The following PCDHGB3 variants were observed in gnomAD, a reference collection of about 807,000 sequenced individuals.
The protein encoded by PCDHGB3 is protocadherin gamma subfamily B, 3.
Under a neutral mutation model 59.2 loss-of-function variants are expected in PCDHGB3, and 40 were observed. The ratio of observed to expected loss-of-function variants is 0.68; its 90% CI spans 0.52 to 0.88. PCDHGB3 has a LOEUF of 0.88. PCDHGB3 is among the 40% of genes least tolerant of loss of function. PCDHGB3 has a pLI of 0.00. For missense variants in PCDHGB3, 1,309 were observed against 1,187.9 expected (o/e 1.10, Z -1.50); for synonymous variants, 581 against 503.6 (o/e 1.15, Z -2.06).
At chr5:141,408,286 C>G (rs751845459) in intron 1 of PCDHGB3, 81 of 1,613,074 alleles carry the variant, frequency 5.0e-5, no homozygotes, top group Non-Finnish European at 6.3e-5. Context: ...TCTACCCCAC[C>G]CTGAGTGAGC....
chr5:141,400,736 G>A, intron 1 of PCDHGB3: 1 of 630,462 alleles, frequency 1.6e-6, no homozygotes, highest in Non-Finnish European at 2.7e-6. Context: ...AGTAGTGAGA[G>A]TTTGCTCTTA....
chr5:141,454,874 C>A (rs1002727777), intron 1 of PCDHGB3, among the ~76,000 whole-genome samples: 4 of 123,066 alleles, frequency 3.3e-5, no homozygotes, highest in African/African-American at 1.2e-4. Flanking sequence ...GTGGCACGAT[C>A]TTGGCTCACT....
At chr5:141,402,971 T>C in intron 1 of PCDHGB3, 2 of 1,608,370 alleles carry the variant, frequency 1.2e-6, no homozygotes. Flanking sequence ...TCCAACCAAA[T>C]GCCAGCTCCG....
Position 141,477,203 on chromosome 5 carries a change from G to A in PCDHGB3, c.2416-17604G>A. The A allele has an allele frequency of 6.2e-7, 1 of 1,614,176 alleles. No individual in the cohort carries two copies. The highest frequency in any genetic ancestry group is 8.5e-7 in the Non-Finnish European group (1 of 1,180,050). ...CACCTCCGTGTACAGCCCAGTACCC[G>A]AGGATGCCCCTCTGGGGACTGTCAT... On this transcript the variant is annotated intron_variant, in intron 1 of 3. Coordinates refer to ENST00000576222, the MANE Select transcript of PCDHGB3 (RefSeq NM_018924.5). This position sits in a 1 kb window ranked among gnomAD's most constrained non-coding sequence, Gnocchi z 4.9.
intron 1 of PCDHGB3, chr5:141,400,051 G>A (rs1253013919): frequency 6.2e-7 from 1 of 1,613,762 alleles, no homozygotes; most frequent in East Asian, 2.2e-5. Flanking sequence ...GCTGGTTGCT[G>A]TGCGTGATGG....
chr5:141,371,529 A>G lies in PCDHGB3; in HGVS notation c.1135A>G (p.Asn379Asp), dbSNP rs200031435. The G allele has an allele frequency of 3.3e-4, 527 of 1,613,610 alleles. No homozygotes were observed. The highest frequency in any genetic ancestry group is 8.3e-4 in the Admixed American group (50 of 59,952). The change falls in exon 1 of 4, where the codon AAT (asparagine) becomes GAT (aspartate). Residue 379 changes from asparagine to aspartate, a missense_variant. Physicochemically the swap from Asn to Asp is conservative, Grantham distance 23. Transcript: ENST00000576222. ...AACACATGATCTAGATTCTGGATTTAATGGAGAAATCCTATGCCAACTAAA... is the reference window on the plus strand; with the variant it reads ...AACACATGATCTAGATTCTGGATTTGATGGAGAAATCCTATGCCAACTAAA... ...IKTHDLDSGF[N>D]GEILCQLKGN...
chr5:141,480,402 G>A (rs1268532373), intron 1 of PCDHGB3, among the ~76,000 whole-genome samples: 2 of 145,838 alleles, frequency 1.4e-5, no homozygotes, highest in African/African-American at 2.6e-5. Flanking sequence ...GCAATAGAGT[G>A]AGACCCTGTC....
intron 1 of PCDHGB3, chr5:141,392,912 C>T: frequency 6.2e-7 from 1 of 1,613,908 alleles, no homozygotes; most frequent in South Asian, 1.1e-5. Context: ...AGATTCGCTA[C>T]TCTGTGCCAG....
In PCDHGB3 at chr5:141,370,531, T is replaced by C. The variant is rs373245420; in HGVS notation, c.137T>C (p.Leu46Pro). 8 of 1,613,822 alleles carry C rather than the reference T, an allele frequency of 5.0e-6. No homozygotes were observed. The highest frequency in any genetic ancestry group is 1.6e-4 in the Middle Eastern group (1 of 6,084). Reference protein sequence around the residue: ...AIPEELDRGSLVGNLAKDLGF... With the variant: ...AIPEELDRGSPVGNLAKDLGF... ...CCCGAGGAGCTGGACAGGGGCTCGC[T>C]GGTAGGGAACCTCGCCAAGGACCTG... Residue 46 changes from leucine (L) to proline (P), a missense_variant, in exon 1 of 4, where the codon CTG (leucine) becomes CCG (proline). Transcript: ENST00000576222.
At chr5:141,393,124 T>C in intron 1 of PCDHGB3, 2 of 1,613,430 alleles carry the variant, frequency 1.2e-6, no homozygotes. Flanking sequence ...CGGTGTCTGA[T>C]AAATATTAAC....
chr5:141,489,713 A>G lies in PCDHGB3; in HGVS notation c.2416-5094A>G. On this transcript the variant is annotated intron_variant, in intron 1 of 3. Coordinates refer to ENST00000576222, the MANE Select transcript of PCDHGB3 (RefSeq NM_018924.5). The surrounding 1 kb of genome is among the most constrained non-coding windows in gnomAD (Gnocchi z 4.5). The stretch of plus-strand genomic sequence containing the variant: ...GCACGATTCCCACTGGACAGTGCCC[A>G]GGATCCGGATGTGGGCACCAATACT... 1.9e-6 allele frequency: 3 copies of G among 1,614,162 alleles called. No individual in the cohort carries two copies. The highest frequency in any genetic ancestry group is 2.5e-6 in the Non-Finnish European group (3 of 1,179,968).
chr5:141,413,217 C>A (rs762828191), intron 1 of PCDHGB3: 8 of 1,613,184 alleles, frequency 5.0e-6, no homozygotes, highest in African/African-American at 1.3e-5. Context: ...CAAAGGATTG[C>A]AGCGGGCTGG....
At chr5:141,415,132 C>T (rs752622569) in intron 1 of PCDHGB3, 4 of 1,613,696 alleles carry the variant, frequency 2.5e-6, no homozygotes, top group Non-Finnish European at 3.4e-6. Flanking sequence ...CGTCCAGGAC[C>T]ACGGCCAGCC....
chr5:141,385,563 C>T, intron 1 of PCDHGB3: 1 of 1,304,972 alleles, frequency 7.7e-7, no homozygotes, highest in Non-Finnish European at 9.7e-7. Flanking sequence ...TTATAATTTC[C>T]ACCTACTTTC....
At chr5:141,390,560 T>C (rs531396970) in intron 1 of PCDHGB3, 1 of 443,156 alleles carries the variant, frequency 2.3e-6, no homozygotes, top group East Asian at 4.1e-5. Context: ...GTTAGACAGT[T>C]GTTGGCTCTC....
At chr5:141,421,119 C>T (rs542039688) in intron 1 of PCDHGB3, 1 of 772,768 alleles carries the variant, frequency 1.3e-6, no homozygotes, top group Non-Finnish European at 2.0e-6. Flanking sequence ...TATTTTCCTT[C>T]GCTTTCTGAT....
At chr5:141,420,483 T>C in intron 1 of PCDHGB3, 2 of 581,364 alleles carry the variant, frequency 3.4e-6, no homozygotes, top group Non-Finnish European at 5.2e-6. Context: ...GCAAACTACA[T>C]GGGTAATCTC....
At chr5:141,464,685 C>A (rs1283627323) in intron 1 of PCDHGB3, among the ~76,000 whole-genome samples, 1 of 152,006 alleles carries the variant, frequency 6.6e-6, no homozygotes, top group Non-Finnish European at 1.5e-5. Flanking sequence ...ATTAAAATTT[C>A]TCTTATTATG....
chr5:141,386,967 T>C (rs1397962065), intron 1 of PCDHGB3, among the ~76,000 whole-genome samples: 1 of 152,204 alleles, frequency 6.6e-6, no homozygotes, highest in Non-Finnish European at 1.5e-5. Flanking sequence ...CAGATCTCAG[T>C]GACTTTGTGT....
Sources: gnomAD v4.1 joint callset for allele counts (sites outside exome capture counted in the v4.1 genomes callset) on GRCh38, gnomAD v4.1.1 for gene constraint, Gnocchi (gnomAD v3.1) non-coding constraint, MANE v1.5 for transcripts, NCBI Gene and HGNC (gene_info 2026-07-23, HGNC 2026-07-21) for gene names.